NEK8: variants seen among roughly 807,000 people sequenced by gnomAD.
The protein encoded by NEK8 is serine/threonine-protein kinase Nek8.
NEK8 carries 51 observed loss-of-function variants against 77.2 expected under a neutral mutation model. The observed-to-expected ratio is 0.66, with a 90% CI of 0.53 to 0.83. The LOEUF (loss-of-function observed/expected upper bound fraction) is 0.83, where lower values mean the gene tolerates loss of function less well. Ranked by LOEUF, NEK8 falls within the 40% of genes least tolerant of loss-of-function variation. The pLI is 0.00. For synonymous variants in NEK8, 365 were observed against 363.2 expected (o/e 1.00, Z -0.06); for missense variants, 787 against 909.2 (o/e 0.87, Z 1.73).
At position 28,739,073 on chromosome 17, in the gene NEK8, C is replaced by G; in HGVS notation, c.1300-11C>G. On this transcript the variant is annotated splice_polypyrimidine_tract_variant and intron_variant, in intron 9 of 14. Coordinates refer to ENST00000268766, the MANE Select transcript of NEK8 (RefSeq NM_178170.3). ...TTTGCCCAGTTTCTCCTTGCTTCCT[C>G]TCCTCTCTAGCCCACCATTGTGGAG... 1.2e-6 allele frequency: 2 copies of G among 1,607,306 alleles called. No homozygotes were observed. Among genetic ancestry groups the G allele is most frequent in the Non-Finnish European group, 1.7e-6 (2 of 1,173,712 alleles).
chr17:28,728,911 C>T, intron 1 of NEK8, 51 bp downstream of exon 1: 1 of 1,482,804 alleles, frequency 6.7e-7, no homozygotes, highest in South Asian at 1.2e-5. Flanking sequence ...GGAAAATAAG[C>T]CCCAATTCCG....
chr17:28,729,808 A>C (rs1382252548), intron 1 of NEK8, among the ~76,000 whole-genome samples: 1 of 152,132 alleles, frequency 6.6e-6, no homozygotes, highest in Non-Finnish European at 1.5e-5. Flanking sequence ...GGCCTCCCTA[A>C]GTGCTGGAAT....
Position 28,742,154 on chromosome 17 carries a change from C to T in NEK8, c.*167C>T. ...CTGCTTTTGGCCTTGGATATGGAAA[C>T]CTCAACCACTTTGTTCTCCTACCAC... On this transcript the variant is annotated 3_prime_UTR_variant, in exon 15 of 15. Coordinates refer to ENST00000268766, the MANE Select transcript of NEK8 (RefSeq NM_178170.3). The T allele has an allele frequency of 1.3e-6, 1 of 755,502 alleles. No individual in the cohort carries two copies. Among genetic ancestry groups the T allele is most frequent in the Non-Finnish European group, 2.4e-6 (1 of 417,364 alleles). The allele number at this position is 755,502 out of a possible 1,614,324, so 46.8% of individuals were successfully genotyped here.
At position 28,740,103 on chromosome 17, in the gene NEK8, G is replaced by A. The variant is rs914797586; in HGVS notation, c.1418-360G>A. The stretch of plus-strand genomic sequence containing the variant: ...GTTCAAGACCAGCCTGGCCAACATG[G>A]TAAAACCCCGTCTCTACTAAAAATA... On this transcript the variant is annotated intron_variant, in intron 10 of 14. Coordinates refer to ENST00000268766, the MANE Select transcript of NEK8 (RefSeq NM_178170.3). The surrounding 1 kb of genome is among the most constrained non-coding windows in gnomAD (Gnocchi z 4.7). Among the ~76,000 whole-genome samples, 15 of 152,062 alleles carry A rather than the reference G, an allele frequency of 9.9e-5. 1 individual carries two copies. The highest frequency in any genetic ancestry group is 9.8e-4 in the Admixed American group (15 of 15,278).
rs770284675 is a variant in NEK8, at chr17:28,739,168, C to G, written c.1384C>G (p.Arg462Gly). The change falls in exon 10 of 15, where the codon CGA (arginine) becomes GGA (glycine). Residue 462 changes from arginine (R) to glycine (G), a missense_variant. Arg to Gly is a moderately radical substitution (Grantham distance 125). Coordinates refer to ENST00000268766, the MANE Select transcript of NEK8 (RefSeq NM_178170.3). ...TCACGTGCTGGCCCTGTCCACTGAG[C>G]GAGAACTATTTGCCTGGGGCCGTGG... is the stretch of plus-strand genomic sequence containing the variant. ...ASHVLALSTERELFAWGRGDS... is the reference protein window; with the variant it reads ...ASHVLALSTEGELFAWGRGDS... 15 of 1,614,014 alleles carry G rather than the reference C, an allele frequency of 9.3e-6. No homozygotes were observed. The South Asian group carries it at 9.9e-5, about 11-fold the overall frequency.
Position 28,733,996 on chromosome 17 carries a change from T to C in NEK8, c.61T>C (p.Cys21Arg). ...CCGTATCCCTAGGATTGTGCACCTG[T>C]GCCTGCGAAAGGCTGACCAGAAGCT... ...GRGAFGIVHL[C>R]LRKADQKLVI... Residue 21 changes from cysteine (C) to arginine (R), a missense_variant, in exon 2 of 15, where the codon TGC becomes CGC. Coordinates refer to ENST00000268766, the MANE Select transcript of NEK8 (RefSeq NM_178170.3). 6.2e-7 allele frequency: 1 copy of C among 1,614,204 alleles called. No homozygotes were observed. The highest frequency in any genetic ancestry group is 8.5e-7 in the Non-Finnish European group (1 of 1,180,012).
At chr17:28,732,545 CTTTTTTTTTTTTTTT>C (rs1054257308) in intron 1 of NEK8, among the ~76,000 whole-genome samples, 1 of 77,914 alleles carries the variant, frequency 1.3e-5, no homozygotes, top group South Asian at 4.9e-4. Context: ...TTTTTCTTTT[CTTTTTTTTTTTTTTT>C]TTTTTTTTTG....
At chr17:28,728,891 T>C in intron 1 of NEK8, 31 bp downstream of exon 1, 1 of 1,533,650 alleles carries the variant, frequency 6.5e-7, no homozygotes, top group Non-Finnish European at 8.8e-7. Context: ...AGGAAACTGC[T>C]AGGGGATAGG....
chr17:28,732,535 TTTTTC>T (rs1356288809), intron 1 of NEK8, among the ~76,000 whole-genome samples: 2 of 150,976 alleles, frequency 1.3e-5, no homozygotes, highest in Non-Finnish European at 2.9e-5. Flanking sequence ...GCGATTTTCT[TTTTTC>T]TTTTCTTTTT....
Position 28,737,734 on chromosome 17 carries a change from G to C in NEK8, c.887G>C (p.Arg296Thr). 2 of 1,614,164 alleles carry C rather than the reference G, an allele frequency of 1.2e-6. No individual in the cohort carries two copies. Among genetic ancestry groups the C allele is most frequent in the East Asian group, 2.2e-5 (1 of 44,888 alleles). The change falls in exon 6 of 15, where the codon AGA (arginine) becomes ACA (threonine). Residue 296 changes from arginine (R) to threonine (T), a missense_variant and splice_region_variant. Arg to Thr is a moderately conservative substitution (Grantham distance 71). Around this residue, in one of 2 missense-constraint regions of NEK8, gnomAD observed 516 missense variants for 544.0 expected, o/e 0.95. Transcript: ENST00000268766. This position sits in a 1 kb window ranked among gnomAD's most constrained non-coding sequence, Gnocchi z 4.8. ...AGCAGGACCACCAGTGTCCGCTGCA[G>C]AGGTAAGTGGGAAGAGGCCGCCAGT... ...TGSRTTSVRC[R>T]GIPRGPVRPA...
intron 1 of NEK8, among the ~76,000 whole-genome samples, chr17:28,731,748 C>T (rs1428608916): frequency 6.0e-5 from 9 of 149,546 alleles, no homozygotes; most frequent in African/African-American, 1.7e-4. Context: ...GAACTACAGG[C>T]GCCCGCCACC....
chr17:28,738,663 C>T lies in NEK8; in HGVS notation c.1223-8C>T. ...TCCCTTCTCCTTCCTCACTGCCCTT[C>T]TCCCCAGACAGAGGCATCATCATGA... On this transcript the variant is annotated splice_region_variant and splice_polypyrimidine_tract_variant and intron_variant, in intron 8 of 14. Coordinates refer to ENST00000268766, the MANE Select transcript of NEK8 (RefSeq NM_178170.3). 6.2e-7 allele frequency: 1 copy of T among 1,613,488 alleles called. No individual in the cohort carries two copies. The highest frequency in any genetic ancestry group is 8.5e-7 in the Non-Finnish European group (1 of 1,179,358).
In NEK8 at chr17:28,741,438, AG is replaced by A. The variant is rs35284029; in HGVS notation, c.1921del (p.Ala641ArgfsTer28). On this transcript the variant is annotated frameshift_variant, in exon 14 of 15. Coordinates refer to ENST00000268766, the MANE Select transcript of NEK8 (RefSeq NM_178170.3). LOFTEE classifies it high-confidence loss of function. The surrounding 1 kb of genome is among the most constrained non-coding windows in gnomAD (Gnocchi z 4.5). ...AGAGCGAAGTGTACTCTTGGGGCAA[AG>A]GGGCGCGAGGTCGATTGGGAAGGAG... ...AESEVYSWGK[G>X]ARGRLGRRDE... 6.2e-7 allele frequency: 1 copy of A among 1,613,950 alleles called. No homozygotes were observed. Among genetic ancestry groups the A allele is most frequent in the Non-Finnish European group, 8.5e-7 (1 of 1,180,010 alleles).
rs192372018 is a variant in NEK8, at chr17:28,731,215, C to A, written c.47+2355C>A. ...CTGTGCCATTGCACTACAGCCTAGG[C>A]AACAAGAGTGAAACTCTGTCTCAAA... is the stretch of plus-strand genomic sequence containing the variant. On this transcript the variant is annotated intron_variant, in intron 1 of 14. Transcript: ENST00000268766. Among the ~76,000 whole-genome samples, 470 of 149,282 alleles carry A rather than the reference C, an allele frequency of 3.1e-3. 1 individual carries two copies. The highest frequency in any genetic ancestry group is 0.011 in the African/African-American group (454 of 40,382).
At position 28,737,693 on chromosome 17, in the gene NEK8, C is replaced by T; in HGVS notation, c.846C>T (p.Ala282=). 2.5e-6 allele frequency: 4 copies of T among 1,614,146 alleles called. No homozygotes were observed. The highest frequency in any genetic ancestry group is 2.5e-6 in the Non-Finnish European group (3 of 1,180,016). ...VRMRRAEKSV[A]PSNTGSRTTS... ...CCTGCAGGGCAGAGAAGTCCGTGGC[C>T]CCCAGCAACACAGGGAGCAGGACCA... Residue 282 remains alanine (A), a synonymous_variant, in exon 6 of 15, where the codon GCC becomes GCT. Transcript: ENST00000268766. This position sits in a 1 kb window ranked among gnomAD's most constrained non-coding sequence, Gnocchi z 4.8.
chr17:28,738,369 G>A (rs1239620009), intron 8 of NEK8, 124 bp downstream of exon 8: 1 of 1,205,348 alleles, frequency 8.3e-7, no homozygotes, highest in Non-Finnish European at 1.2e-6. Context: ...TATTGCTTCT[G>A]TCTAGTAACT....
Position 28,742,004 on chromosome 17 carries a change from T to G in NEK8, c.*17T>G. 6.2e-7 allele frequency: 1 copy of G among 1,613,116 alleles called. No homozygotes were observed. The highest frequency in any genetic ancestry group is 1.1e-5 in the South Asian group (1 of 91,072). On this transcript the variant is annotated 3_prime_UTR_variant, in exon 15 of 15. Coordinates refer to ENST00000268766, the MANE Select transcript of NEK8 (RefSeq NM_178170.3). Reference sequence around the variant, plus strand: ...CCCCCCTGAGGCACCCGGATTCACCTCTGGACCACCCTGATATTGCTTCTC... The same window carrying G: ...CCCCCCTGAGGCACCCGGATTCACCGCTGGACCACCCTGATATTGCTTCTC...
At position 28,734,088 on chromosome 17, in the gene NEK8, G is replaced by C. The variant is rs768501708; in HGVS notation, c.153G>C (p.Glu51Asp). 1.9e-6 allele frequency: 3 copies of C among 1,614,020 alleles called. No homozygotes were observed. Among genetic ancestry groups the C allele is most frequent in the Non-Finnish European group, 2.5e-6 (3 of 1,179,960 alleles). Residue 51 changes from glutamate to aspartate, a missense_variant, in exon 2 of 15, where the codon GAG becomes GAC. Glu to Asp is a conservative substitution (Grantham distance 45, BLOSUM62 2). Coordinates refer to ENST00000268766, the MANE Select transcript of NEK8 (RefSeq NM_178170.3). ...AAGAGCGGCAGGCAGCCCAGAATGA[G>C]TGCCAGGTCCTCAAGCTGCTCAACC... ...TKEERQAAQN[E>D]CQVLKLLNHP...
At chr17:28,734,373 AG>A in intron 2 of NEK8, 185 bp downstream of exon 2, 1 of 637,664 alleles carries the variant, frequency 1.6e-6, no homozygotes, top group Non-Finnish European at 2.8e-6. Flanking sequence ...CATACATAAA[AG>A]GAGAGGGGTT....
Sources: gnomAD v4.1 joint callset for allele counts (sites outside exome capture counted in the v4.1 genomes callset) on GRCh38, gnomAD v4.1.1 for gene constraint, gnomAD v4.1.1 regional missense constraint, Gnocchi (gnomAD v3.1) non-coding constraint, MANE v1.5 for transcripts, NCBI Gene and HGNC (gene_info 2026-07-23, HGNC 2026-07-21) for gene names.